OSBPL3: variants seen among roughly 807,000 people sequenced by gnomAD.
OSBPL3 encodes the protein oxysterol-binding protein-related protein 3.
OSBPL3 carries 65 observed loss-of-function variants against 120.1 expected under a neutral mutation model. That is an observed-to-expected ratio of 0.54 (90% CI 0.44 to 0.67). The LOEUF (loss-of-function observed/expected upper bound fraction) is 0.67, where lower values mean the gene tolerates loss of function less well. OSBPL3 is among the 30% of genes least tolerant of loss of function. OSBPL3 has a pLI of 0.00. For missense variants in OSBPL3, 1,004 were observed against 1,082.1 expected (o/e 0.93, Z 1.01); for synonymous variants, 416 against 402.6 (o/e 1.03, Z -0.40).
At chr7:24,809,287 T>C (rs1382129328) in intron 20 of OSBPL3, among the ~76,000 whole-genome samples, 3 of 152,176 alleles carry the variant, frequency 2.0e-5, no homozygotes, top group African/African-American at 7.2e-5. Context: ...GACATGCTGA[T>C]GAAAGCTGGG....
At chr7:24,949,396 G>A (rs1244315250) in intron 1 of OSBPL3, among the ~76,000 whole-genome samples, 1 of 152,154 alleles carries the variant, frequency 6.6e-6, no homozygotes, top group Non-Finnish European at 1.5e-5. Context: ...TCCTTCCTCA[G>A]TGGGACATTT....
chr7:24,900,356 T>C lies in OSBPL3; in HGVS notation c.-149-7735A>G, dbSNP rs957910498. ...TTATTTAGAAGTTTGGTGATGTTTT[T>C]GTGACCAGAAATATGCCACAGGAAA... is the stretch of plus-strand genomic sequence containing the variant. On this transcript the variant is annotated intron_variant, in intron 1 of 22. Coordinates refer to ENST00000313367, the MANE Select transcript of OSBPL3 (RefSeq NM_015550.4). This position sits in a 1 kb window ranked among gnomAD's most constrained non-coding sequence, Gnocchi z 4.5. Among the ~76,000 whole-genome samples the C allele has an allele frequency of 6.6e-6, 1 of 152,244 alleles. No homozygotes were observed. The highest frequency in any genetic ancestry group is 1.5e-5 in the Non-Finnish European group (1 of 68,046).
intron 1 of OSBPL3, among the ~76,000 whole-genome samples, chr7:24,895,510 T>C (rs895019975): frequency 1.3e-5 from 2 of 152,222 alleles, no homozygotes; most frequent in Admixed American, 1.3e-4. Context: ...GCTTCCTATC[T>C]TAAGCGACGC....
intron 19 of OSBPL3, 65 bp downstream of exon 19, chr7:24,814,994 G>T: frequency 2.0e-6 from 3 of 1,511,962 alleles, no homozygotes; most frequent in Non-Finnish European, 2.7e-6. Flanking sequence ...AATGCCCTGT[G>T]CTCTGGGGCC....
In OSBPL3 at chr7:24,894,562, G is replaced by C. The variant is rs1805849256; in HGVS notation, c.-149-1941C>G. 6.6e-6 allele frequency among the ~76,000 whole-genome samples: 1 copy of C among 152,142 alleles called. No individual in the cohort carries two copies. The highest frequency in any genetic ancestry group is 1.5e-5 in the Non-Finnish European group (1 of 68,028). ...CCCAAATGATGAAATGTGTGTCTGT[G>C]CTTGGGGCGGGGAGGGGGCATCCAC... On this transcript the variant is annotated intron_variant, in intron 1 of 22. Transcript: ENST00000313367. The surrounding 1 kb of genome is among the most constrained non-coding windows in gnomAD (Gnocchi z 4.1).
intron 1 of OSBPL3, chr7:24,906,356 T>C: frequency 4.2e-6 from 1 of 240,328 alleles, no homozygotes; most frequent in South Asian, 4.8e-5. Flanking sequence ...CCGGGAGACT[T>C]GCGAGGAGGT....
rs1816178542 is a variant in OSBPL3 at position 24,964,691 on chromosome 7, T to A, written c.-150+15195A>T. Among the ~76,000 whole-genome samples, 1 of 152,216 alleles carries A rather than the reference T, an allele frequency of 6.6e-6. No homozygotes were observed. Among genetic ancestry groups the A allele is most frequent in the Admixed American group, 6.5e-5 (1 of 15,288 alleles). ...TAAGGAAATCTGAATGAAGTATAGA[T>A]TTTAGTTATTAATACTGCAACAGTA... On this transcript the variant is annotated intron_variant, in intron 1 of 22. Coordinates refer to ENST00000313367, the MANE Select transcript of OSBPL3 (RefSeq NM_015550.4). The surrounding 1 kb of genome is among the most constrained non-coding windows in gnomAD (Gnocchi z 4.2).
chr7:24,980,036 C>A lies in OSBPL3; in HGVS notation c.-300G>T, dbSNP rs1584789719. 1 of 985,338 alleles carries A rather than the reference C, an allele frequency of 1.0e-6. No individual in the cohort carries two copies. The highest frequency in any genetic ancestry group is 1.2e-6 in the Non-Finnish European group (1 of 829,946). 61.0% of individuals were successfully genotyped at this position (985,338 alleles called of 1,614,324 possible). On this transcript the variant is annotated 5_prime_UTR_variant, in exon 1 of 23. Transcript: ENST00000313367. ...CCGCACCGGCCGCAGGAGTCGGGGGCGGGGATGGCCACTTGCAGACAGACT... is the reference window on the plus strand; with the variant it reads ...CCGCACCGGCCGCAGGAGTCGGGGGAGGGGATGGCCACTTGCAGACAGACT...
At chr7:24,978,867 A>C (rs1441438207) in intron 1 of OSBPL3, among the ~76,000 whole-genome samples, 1 of 152,206 alleles carries the variant, frequency 6.6e-6, no homozygotes, top group African/African-American at 2.4e-5. Flanking sequence ...GACTGAGGAG[A>C]CTGGTGGCTT....
At chr7:24,850,928 C>A (rs1010664888) in intron 11 of OSBPL3, among the ~76,000 whole-genome samples, 4 of 152,186 alleles carry the variant, frequency 2.6e-5, no homozygotes, top group African/African-American at 9.7e-5. Context: ...AAGGATCATT[C>A]GGTTTTATCT....
At chr7:24,882,922 G>T (rs935296167) in intron 2 of OSBPL3, among the ~76,000 whole-genome samples, 37 of 152,122 alleles carry the variant, frequency 2.4e-4, no homozygotes, top group African/African-American at 8.9e-4. Flanking sequence ...GAGATTATTT[G>T]TTTTTTGTTG....
chr7:24,826,508 C>T (rs1054174572), intron 16 of OSBPL3, among the ~76,000 whole-genome samples: 1 of 152,032 alleles, frequency 6.6e-6, no homozygotes, highest in Admixed American at 6.6e-5. Flanking sequence ...TGAGCATAGT[C>T]ACTGAGTCCA....
chr7:24,839,154 G>T (rs1797380807), intron 14 of OSBPL3, among the ~76,000 whole-genome samples: 1 of 152,170 alleles, frequency 6.6e-6, no homozygotes, highest in South Asian at 2.1e-4. Context: ...TGCCTGGCAT[G>T]GTCCCTCTCC....
At chr7:24,825,610 G>A (rs1170989544) in intron 16 of OSBPL3, among the ~76,000 whole-genome samples, 1 of 152,204 alleles carries the variant, frequency 6.6e-6, no homozygotes, top group Admixed American at 6.5e-5. Context: ...TACCCTTTGA[G>A]TGTCTTTAAG....
In OSBPL3 at chr7:24,849,186, G is replaced by A. The variant is rs766418995; in HGVS notation, c.1159-10C>T. On this transcript the variant is annotated splice_polypyrimidine_tract_variant and intron_variant, in intron 11 of 22. Transcript: ENST00000313367. The surrounding 1 kb of genome is among the most constrained non-coding windows in gnomAD (Gnocchi z 5.4). The stretch of plus-strand genomic sequence containing the variant: ...TGTTTTGTGCTAGGGCCTGGAACAT[G>A]TTAAAATAGTGGGGCTCTGTTAATA... The A allele has an allele frequency of 1.4e-5, 22 of 1,594,344 alleles. No homozygotes were observed. Among genetic ancestry groups the A allele is most frequent in the Non-Finnish European group, 1.8e-5 (21 of 1,162,454 alleles).
rs1048008195 is a variant in OSBPL3, at chr7:24,820,520, C to T, written c.1885-282G>A. 1.3e-5 allele frequency among the ~76,000 whole-genome samples: 2 copies of T among 152,174 alleles called. No individual in the cohort carries two copies. The highest frequency in any genetic ancestry group is 2.4e-5 in the African/African-American group (1 of 41,506). On this transcript the variant is annotated intron_variant, in intron 16 of 22. Transcript: ENST00000313367. The surrounding 1 kb of genome is among the most constrained non-coding windows in gnomAD (Gnocchi z 4.6). ...AGGTGGCGAGTGATGAGGATAGAGG[C>T]GCATTTTGAAAGACATAAAAATAAA...
intron 2 of OSBPL3, among the ~76,000 whole-genome samples, chr7:24,885,184 T>G (rs1804313938): frequency 6.8e-6 from 1 of 147,012 alleles, no homozygotes; most frequent in Admixed American, 6.9e-5. Flanking sequence ...ATTGCAGCAC[T>G]GCACTTCAGC....
Position 24,965,774 on chromosome 7 carries a change from C to T in OSBPL3, c.-150+14112G>A, listed in dbSNP as rs1310535880. Reference sequence around the variant, plus strand: ...GTATTCTAACCAGGCTGGTTTTGAACTCCTAACCTCAAGCAATCCTCCCAC... The same window carrying T: ...GTATTCTAACCAGGCTGGTTTTGAATTCCTAACCTCAAGCAATCCTCCCAC... On this transcript the variant is annotated intron_variant, in intron 1 of 22. Coordinates refer to ENST00000313367, the MANE Select transcript of OSBPL3 (RefSeq NM_015550.4). The surrounding 1 kb of genome is among the most constrained non-coding windows in gnomAD (Gnocchi z 4.3). 6.6e-6 allele frequency among the ~76,000 whole-genome samples: 1 copy of T among 152,084 alleles called. No individual in the cohort carries two copies. Among genetic ancestry groups the T allele is most frequent in the African/African-American group, 2.4e-5 (1 of 41,398 alleles).
rs549405584 is a variant in OSBPL3 at position 24,830,350 on chromosome 7, C to T, written c.1884+418G>A. On this transcript the variant is annotated intron_variant, in intron 16 of 22. Transcript: ENST00000313367. This position sits in a 1 kb window ranked among gnomAD's most constrained non-coding sequence, Gnocchi z 4.4. ...ATAAATACATGAATGAATGATTCCTCTCAAATCAAAATTGAGAATAACGCA... is the reference window on the plus strand; with the variant it reads ...ATAAATACATGAATGAATGATTCCTTTCAAATCAAAATTGAGAATAACGCA... 6.6e-6 allele frequency among the ~76,000 whole-genome samples: 1 copy of T among 152,278 alleles called. No individual in the cohort carries two copies. Among genetic ancestry groups the T allele is most frequent in the East Asian group, 1.9e-4 (1 of 5,186 alleles).
Sources: allele counts gnomAD v4.1 joint callset (sites outside exome capture counted in the v4.1 genomes callset), GRCh38; gene constraint gnomAD v4.1.1; non-coding constraint Gnocchi (gnomAD v3.1); transcripts MANE v1.5; gene names NCBI Gene and HGNC (gene_info 2026-07-23, HGNC 2026-07-21).